Variants in ITGAE observed in about 807,000 individuals in gnomAD.
ITGAE encodes the protein integrin subunit alpha E.
A neutral mutation model predicts 136.5 loss-of-function variants in ITGAE; 99 were observed. That is an observed-to-expected ratio of 0.73 (90% CI 0.62 to 0.86). ITGAE has a LOEUF of 0.86. Ranked by LOEUF, ITGAE falls within the 40% of genes least tolerant of loss-of-function variation. The pLI, the probability that ITGAE is intolerant of heterozygous loss-of-function variation, is 0.00. For missense variants in ITGAE, 1,447 were observed against 1,515.3 expected (o/e 0.95, Z 0.75); for synonymous variants, 613 against 591.8 (o/e 1.04, Z -0.52).
chr17:3,786,574 T>C (rs2052803096), intron 1 of ITGAE, among the ~76,000 whole-genome samples: 1 of 152,188 alleles, frequency 6.6e-6, no homozygotes, highest in Non-Finnish European at 1.5e-5. Context: ...AAAATTCCAG[T>C]AAATCAAATC....
At position 3,799,600 on chromosome 17, in the gene ITGAE, C is replaced by A. The variant is rs943785450; in HGVS notation, c.34+1511G>T. Among the ~76,000 whole-genome samples, 10 of 152,092 alleles carry A rather than the reference C, an allele frequency of 6.6e-5. No homozygotes were observed. The highest frequency in any genetic ancestry group is 3.9e-4 in the East Asian group (2 of 5,180). Reference sequence around the variant, plus strand: ...CAAGCCTGGGTAGTCACTGCCCGCTCTGTGCCCCAGTCACCTCCTCTGTAC... The same window carrying A: ...CAAGCCTGGGTAGTCACTGCCCGCTATGTGCCCCAGTCACCTCCTCTGTAC... On this transcript the variant is annotated intron_variant, in intron 1 of 30. Coordinates refer to ENST00000263087, the MANE Select transcript of ITGAE (RefSeq NM_002208.5). The surrounding 1 kb of genome is among the most constrained non-coding windows in gnomAD (Gnocchi z 4.1).
At chr17:3,739,317 T>C (rs1027576784) in intron 20 of ITGAE, among the ~76,000 whole-genome samples, 1 of 152,292 alleles carries the variant, frequency 6.6e-6, no homozygotes, top group South Asian at 2.1e-4. Flanking sequence ...CTTCTCCCCC[T>C]AAGAGCACCA....
At position 3,755,197 on chromosome 17, in the gene ITGAE, G is replaced by A. The variant is rs1284524963; in HGVS notation, c.1304C>T (p.Thr435Ile). ...CAGGAAGCGGCCCCGGCGGCTGCGT[G>A]TGTCGTAGAGCAACGCCCCTCCGGA... The part of the protein sequence containing the change: ...DWSGGALLYD[T>I]RSRRGRFLNQ... The change falls in exon 12 of 31, where the codon ACA becomes ATA. Residue 435 changes from threonine to isoleucine, a missense_variant. This residue lies in a region of ITGAE where 1,031 missense variants were observed against 1,011.4 expected (regional missense o/e 1.02). Coordinates refer to ENST00000263087, the MANE Select transcript of ITGAE (RefSeq NM_002208.5). 3 of 1,560,272 alleles carry A rather than the reference G, an allele frequency of 1.9e-6. No individual in the cohort carries two copies. The highest frequency in any genetic ancestry group is 2.7e-5 in the African/African-American group (2 of 72,928).
intron 17 of ITGAE, 126 bp from the exon 18 acceptor site, chr17:3,746,053 G>A (rs910366615): frequency 3.7e-6 from 3 of 804,740 alleles, no homozygotes; most frequent in Non-Finnish European, 5.8e-6. Flanking sequence ...GTACTTCCCT[G>A]CGGCTGGACT....
intron 10 of ITGAE, 89 bp downstream of exon 10, chr17:3,756,895 C>T: frequency 7.0e-7 from 1 of 1,419,530 alleles, no homozygotes; most frequent in Non-Finnish European, 9.6e-7. Context: ...ATGGGAGTTG[C>T]TCAGAGAAAC....
Position 3,755,897 on chromosome 17 carries a change from C to T in ITGAE, c.1172G>A (p.Gly391Asp), listed in dbSNP as rs756584163. Residue 391 changes from glycine (G) to aspartate (D), a missense_variant and splice_region_variant, in exon 11 of 31, where the codon GGC (glycine) becomes GAC (aspartate). By Grantham distance (94) the Gly-to-Asp change is moderately conservative. Transcript: ENST00000263087. ...KLRYNIISME[G>D]TVGDALHYQL... ...GTAGTGAAGGGCGTCTCCAACCGTG[C>T]CTGCAAGCCAAGAAGCCCAGTGAGA... 1 of 1,593,490 alleles carries T rather than the reference C, an allele frequency of 6.3e-7. No homozygotes were observed.
intron 2 of ITGAE, among the ~76,000 whole-genome samples, chr17:3,768,290 A>G (rs564567263): frequency 7.7e-4 from 117 of 152,128 alleles, no homozygotes; most frequent in African/African-American, 2.6e-3. Context: ...ACACCTGGCA[A>G]ATTTTCTTAT....
intron 2 of ITGAE, among the ~76,000 whole-genome samples, chr17:3,775,197 C>T (rs1012484466): frequency 4.0e-4 from 61 of 152,076 alleles, no homozygotes; most frequent in Non-Finnish European, 1.8e-4. Context: ...GTGATCCACC[C>T]GCCTTGACCT....
intron 1 of ITGAE, among the ~76,000 whole-genome samples, chr17:3,788,046 T>G (rs1329183624): frequency 6.6e-6 from 1 of 152,206 alleles, no homozygotes; most frequent in African/African-American, 2.4e-5. Flanking sequence ...ACTATTTTGA[T>G]AATCTCTTTT....
intron 29 of ITGAE, among the ~76,000 whole-genome samples, chr17:3,718,813 C>G (rs193254607): frequency 6.6e-6 from 1 of 152,182 alleles, no homozygotes; most frequent in Non-Finnish European, 1.5e-5. Flanking sequence ...TGGTACCATT[C>G]TCTGTATGGC....
At chr17:3,763,830 G>T (rs779623870) in intron 3 of ITGAE, 39 bp downstream of exon 3, 11 of 1,500,802 alleles carry the variant, frequency 7.3e-6, no homozygotes, top group Non-Finnish European at 9.3e-6. Context: ...CTAGAAAGGG[G>T]GTCCTGGGGA....
intron 20 of ITGAE, among the ~76,000 whole-genome samples, chr17:3,739,268 A>G (rs1334509483): frequency 1.3e-5 from 2 of 151,958 alleles, no homozygotes; most frequent in African/African-American, 2.4e-5. Context: ...TGTGTCTTCA[A>G]CGTTCATCTC....
Position 3,723,163 on chromosome 17 carries a change from G to GT in ITGAE, c.3237+124dup. The stretch of plus-strand genomic sequence containing the variant: ...AGGAACGGGTTGGGACAGAGGGTTG[G>GT]TTTTTTGCACCAAAAGATCTATTTT... On this transcript the variant is annotated intron_variant, in intron 28 of 30. Transcript: ENST00000263087. 4 of 709,578 alleles carry GT rather than the reference G, an allele frequency of 5.6e-6. No individual in the cohort carries two copies. The South Asian group carries it at 6.3e-5, about 11-fold the overall frequency. 44.0% of individuals were successfully genotyped at this position (709,578 alleles called of 1,614,324 possible). A position where few individuals can be genotyped will look rare whatever the true frequency, so the allele number is the denominator to read the frequency against.
chr17:3,750,758 G>T, intron 15 of ITGAE, among the ~76,000 whole-genome samples: 2 of 152,256 alleles, frequency 1.3e-5, no homozygotes, highest in Middle Eastern at 6.8e-3. Context: ...GGCCAGGGAC[G>T]GGGTGGACCA....
chr17:3,755,935 G>A (rs758246593), intron 10 of ITGAE, 38 bp from the exon 11 acceptor site: 14 of 1,552,010 alleles, frequency 9.0e-6, no homozygotes, highest in South Asian at 2.4e-5. Flanking sequence ...GCTGTGGGCC[G>A]AGGTGAAGGG....
intron 26 of ITGAE, chr17:3,724,286 G>A: frequency 1.3e-6 from 2 of 1,588,034 alleles, no homozygotes; most frequent in South Asian, 1.1e-5. Context: ...GACGCCTGGG[G>A]CTGCGAGCTC....
At chr17:3,729,429 C>G in intron 24 of ITGAE, 49 bp downstream of exon 24, 1 of 1,161,004 alleles carries the variant, frequency 8.6e-7, no homozygotes, top group Admixed American at 1.7e-5. Flanking sequence ...CCAAAGCTGC[C>G]CCCTGGGCGA....
At chr17:3,793,346 C>T (rs367973180) in intron 1 of ITGAE, among the ~76,000 whole-genome samples, 1 of 150,218 alleles carries the variant, frequency 6.7e-6, no homozygotes, top group East Asian at 2.0e-4. Flanking sequence ...CCATCATGCC[C>T]GGCCTTTTTT....
rs2051331410 is a variant in ITGAE, at chr17:3,731,109, G to A, written c.2829C>T (p.Val943=). 2 of 1,612,660 alleles carry A rather than the reference G, an allele frequency of 1.2e-6. No individual in the cohort carries two copies. The highest frequency in any genetic ancestry group is 1.7e-6 in the Non-Finnish European group (2 of 1,178,868). Residue 943 remains valine (V), a synonymous_variant, in exon 23 of 31, where the codon GTC becomes GTT. Transcript: ENST00000263087. The part of the protein sequence containing the change: ...PNRTADITVT[V]TNSNERRSLA... ...GTGACCCAGGCAGTACTTACTTGGT[G>A]ACAGTCACAGTGATGTCTGCTGTCC...
Sources: allele counts gnomAD v4.1 joint callset (sites outside exome capture counted in the v4.1 genomes callset), GRCh38; gene constraint gnomAD v4.1.1; regional missense constraint gnomAD v4.1.1; non-coding constraint Gnocchi (gnomAD v3.1); transcripts MANE v1.5; gene names NCBI Gene and HGNC (gene_info 2026-07-23, HGNC 2026-07-21).